SHROOM4: variants seen among roughly 807,000 people sequenced by gnomAD.
SHROOM4 encodes the protein shroom family member 4.
In SHROOM4, 17 loss-of-function variants were observed where a neutral mutation model predicts 80.3. The ratio of observed to expected loss-of-function variants is 0.21; its 90% confidence interval spans 0.14 to 0.32. The LOEUF (loss-of-function observed/expected upper bound fraction) is 0.32, where lower values mean the gene tolerates loss of function less well. Among genes scored for constraint, SHROOM4 ranks in the 10% least tolerant of loss-of-function variants. SHROOM4 has a pLI of 1.00. For missense variants in SHROOM4, 993 were observed against 1,140.3 expected, an observed-to-expected ratio of 0.87 and a Z score of 1.86; for synonymous variants, 400 against 437.5, an observed-to-expected ratio of 0.91 and a Z score of 1.07.
chrX:50,793,279 G>A (rs1935889483), intron 1 of SHROOM4, among the ~76,000 whole-genome samples: 1 of 110,161 alleles, frequency 9.1e-6, no homozygotes, highest in South Asian at 4.0e-4. Flanking sequence ...CCAGGAGCCA[G>A]GGGGAGAGGG....
intron 1 of SHROOM4, among the ~76,000 whole-genome samples, chrX:50,721,734 GAC>G (rs1934115064): frequency 9.0e-6 from 1 of 111,605 alleles, no homozygotes; most frequent in Non-Finnish European, 1.9e-5. Flanking sequence ...AAACACCTCT[GAC>G]ACAGTCAGTC....
intron 5 of SHROOM4, among the ~76,000 whole-genome samples, chrX:50,619,123 C>CG (rs1448475892): frequency 1.8e-5 from 2 of 112,029 alleles, no homozygotes; most frequent in African/African-American, 6.5e-5. Context: ...TTCTGAAGAA[C>CG]GGATTTTCCC....
chrX:50,789,682 T>G (rs782782883), intron 1 of SHROOM4, among the ~76,000 whole-genome samples: 1 of 111,810 alleles, frequency 8.9e-6, no homozygotes, highest in Admixed American at 9.4e-5. Context: ...AGAAAAATAA[T>G]AGAAAAGATC....
intron 1 of SHROOM4, among the ~76,000 whole-genome samples, chrX:50,790,501 A>C (rs887262377): frequency 9.0e-6 from 1 of 111,496 alleles, no homozygotes; most frequent in Non-Finnish European, 1.9e-5. Flanking sequence ...AAAAAAAGAA[A>C]ACTAAAGGCC....
At position 50,634,847 on chromosome X, in the gene SHROOM4, C is replaced by T. The variant is rs371697426; in HGVS notation, c.1226G>A (p.Arg409His). 7.1e-5 allele frequency: 86 copies of T among 1,206,324 alleles called. No homozygotes were observed. Among genetic ancestry groups the T allele is most frequent in the Middle Eastern group, 2.3e-4 (1 of 4,367 alleles). The change falls in exon 4 of 9, where the codon CGC (arginine) becomes CAC (histidine). Residue 409 changes from arginine to histidine, a missense_variant. By Grantham distance (29) the Arg-to-His change is conservative. Transcript: ENST00000376020. ...CAGCAGCTGTTCAGGGGCACTATGG[C>T]GATGCCCTGTGGGTCCTATGAGATG... Reference protein sequence around the residue: ...PPHLIGPTGHRHSAPEQLLAS... With the variant: ...PPHLIGPTGHHHSAPEQLLAS...
chrX:50,751,501 G>A (rs1434569416), intron 1 of SHROOM4, among the ~76,000 whole-genome samples: 2 of 111,670 alleles, frequency 1.8e-5, no homozygotes, highest in African/African-American at 3.3e-5. Flanking sequence ...GGGGCTCACT[G>A]TCAGATATTT....
intron 1 of SHROOM4, among the ~76,000 whole-genome samples, chrX:50,752,742 C>T (rs1557268135): frequency 8.9e-6 from 1 of 112,153 alleles, no homozygotes; most frequent in African/African-American, 3.2e-5. Context: ...TACAGGGAAA[C>T]TCTGTGATGG....
At chrX:50,684,301 A>G (rs975619209) in intron 2 of SHROOM4, among the ~76,000 whole-genome samples, 28 of 111,195 alleles carry the variant, frequency 2.5e-4, no homozygotes, top group African/African-American at 8.8e-4. Flanking sequence ...CAGAGGTTGG[A>G]GTGCTATGTC....
intron 2 of SHROOM4, among the ~76,000 whole-genome samples, chrX:50,645,100 A>G (rs1931776716): frequency 8.9e-6 from 1 of 111,809 alleles, no homozygotes; most frequent in Non-Finnish European, 1.9e-5. Context: ...GCACTCTCAA[A>G]TTGTAGTGGG....
At chrX:50,748,417 C>A (rs1934825971) in intron 1 of SHROOM4, among the ~76,000 whole-genome samples, 1 of 111,797 alleles carries the variant, frequency 8.9e-6, no homozygotes, top group South Asian at 3.7e-4. Context: ...AAGGTACATA[C>A]TGTTTTGTGT....
rs147356755 is a variant in SHROOM4 at position 50,680,141 on chromosome X, G to A, written c.269+15645C>T. ...ATTTGGTTTTTCTCCTACCTCACTG[G>A]CCACTTCTCCTCAGATTATTCTTTG... is the stretch of plus-strand genomic sequence containing the variant. On this transcript the variant is annotated intron_variant, in intron 2 of 8. Coordinates refer to ENST00000376020, the MANE Select transcript of SHROOM4 (RefSeq NM_020717.5). Among the ~76,000 whole-genome samples, 11 of 111,368 alleles carry A rather than the reference G, an allele frequency of 9.9e-5. No individual in the cohort carries two copies. In the East Asian group the frequency reaches 3.1e-3, roughly 32 times the overall value.
chrX:50,710,449 T>C (rs1480476239), intron 1 of SHROOM4, among the ~76,000 whole-genome samples: 1 of 110,981 alleles, frequency 9.0e-6, no homozygotes, highest in African/African-American at 3.3e-5. Context: ...CACTTATAAG[T>C]GGGAGCTAAA....
intron 2 of SHROOM4, among the ~76,000 whole-genome samples, chrX:50,686,198 A>AT (rs201230982): frequency 7.5e-4 from 79 of 105,479 alleles, no homozygotes; most frequent in Admixed American, 1.3e-3. Context: ...TGCCTGGCTA[A>AT]TTTTTTTTTT....
At chrX:50,690,678 G>A (rs1193993060) in intron 2 of SHROOM4, among the ~76,000 whole-genome samples, 1 of 112,557 alleles carries the variant, frequency 8.9e-6, no homozygotes, top group Non-Finnish European at 1.9e-5. Flanking sequence ...ACTCTTAAGC[G>A]TGTGTAGGCT....
At position 50,791,577 on chromosome X, in the gene SHROOM4, CT is replaced by C. The variant is rs782127144; in HGVS notation, c.117+22324del. ...TACAGGCATGTGCTACCATGCCTGA[CT>C]TTTTTTTTTTTTTTTTTTTTTTTTT... On this transcript the variant is annotated intron_variant, in intron 1 of 8. Coordinates refer to ENST00000376020, the MANE Select transcript of SHROOM4 (RefSeq NM_020717.5). 3.6e-3 allele frequency among the ~76,000 whole-genome samples: 206 copies of C among 57,971 alleles called. 1 individual carries two copies. Among genetic ancestry groups the C allele is most frequent in the African/African-American group, 0.014 (154 of 11,166 alleles). The allele number at this position is 57,971 out of a possible 115,157, so 50.3% of individuals were successfully genotyped here.
chrX:50,750,126 C>A (rs1437978257), intron 1 of SHROOM4, among the ~76,000 whole-genome samples: 1 of 111,823 alleles, frequency 8.9e-6, no homozygotes, highest in African/African-American at 3.3e-5. Context: ...TAAGCTATGC[C>A]CAGATCTTCT....
At chrX:50,579,238 T>C in the SHROOM4 span, among the ~76,000 whole-genome samples, 1 of 111,873 alleles carries the variant, frequency 8.9e-6, no homozygotes, top group African/African-American at 3.2e-5. Flanking sequence ...TTGTAGAAAA[T>C]AGGAAAGAAG....
intron 1 of SHROOM4, among the ~76,000 whole-genome samples, chrX:50,777,622 C>T (rs1935538007): frequency 9.0e-6 from 1 of 111,540 alleles, no homozygotes; most frequent in Admixed American, 9.5e-5. Flanking sequence ...GGGAAGGATA[C>T]AGACAATATG....
intron 1 of SHROOM4, among the ~76,000 whole-genome samples, chrX:50,740,385 A>G (rs1320298366): frequency 1.8e-5 from 2 of 112,034 alleles, no homozygotes; most frequent in Non-Finnish European, 3.8e-5. Flanking sequence ...TAAAAGGGTC[A>G]ATCAATTGGG....
Sources: allele counts gnomAD v4.1 joint callset (sites outside exome capture counted in the v4.1 genomes callset), GRCh38; gene constraint gnomAD v4.1.1; transcripts MANE v1.5; gene names NCBI Gene and HGNC (gene_info 2026-07-23, HGNC 2026-07-21).